XPR1: variants seen among roughly 807,000 people sequenced by gnomAD.
XPR1 encodes the protein xenotropic and polytropic retrovirus receptor 1, also known as solute carrier family 53 member 1.
In XPR1, 28 loss-of-function variants were observed where a neutral mutation model predicts 87.5. That is an observed-to-expected ratio of 0.32 (90% CI 0.24 to 0.44). The LOEUF (loss-of-function observed/expected upper bound fraction) is 0.44. XPR1 is among the 20% of genes least tolerant of loss of function. The pLI, the probability that XPR1 is intolerant of heterozygous loss-of-function variation, is 1.00. For missense variants in XPR1, 559 were observed against 862.3 expected, an observed-to-expected ratio of 0.65 and a Z score of 4.41; for synonymous variants, 300 against 306.1, an observed-to-expected ratio of 0.98 and a Z score of 0.21.
intron 2 of XPR1, among the ~76,000 whole-genome samples, chr1:180,719,242 A>G (rs1278014825): frequency 6.6e-6 from 1 of 152,250 alleles, no homozygotes; most frequent in Non-Finnish European, 1.5e-5. Flanking sequence ...TGTTTATGTG[A>G]TAATTTCATA....
intron 2 of XPR1, among the ~76,000 whole-genome samples, chr1:180,711,584 G>C (rs1373534984): frequency 6.6e-6 from 1 of 151,956 alleles, no homozygotes; most frequent in South Asian, 2.1e-4. Context: ...GCTTGGGCTC[G>C]GCGTCAGAGG....
At chr1:180,726,403 C>G (rs1658347944) in intron 2 of XPR1, among the ~76,000 whole-genome samples, 4 of 152,126 alleles carry the variant, frequency 2.6e-5, no homozygotes, top group Admixed American at 2.6e-4. Flanking sequence ...GGGTCCCTAC[C>G]ACCTTTAAGA....
At chr1:180,850,727 T>C (rs889997373) in intron 11 of XPR1, among the ~76,000 whole-genome samples, 16 of 152,090 alleles carry the variant, frequency 1.1e-4, no homozygotes, top group Non-Finnish European at 1.5e-5. Flanking sequence ...GGATGCCAAG[T>C]TGGGAGGATC....
At chr1:180,833,965 A>G (rs1307893605) in intron 9 of XPR1, among the ~76,000 whole-genome samples, 1 of 152,204 alleles carries the variant, frequency 6.6e-6, no homozygotes, top group East Asian at 1.9e-4. Flanking sequence ...GTTCAGAAAT[A>G]CCATATAATT....
At chr1:180,680,425 G>A (rs1656533946) in intron 1 of XPR1, among the ~76,000 whole-genome samples, 1 of 143,298 alleles carries the variant, frequency 7.0e-6, no homozygotes, top group Admixed American at 7.3e-5. Context: ...GGATGCAGTG[G>A]TGCGATCTTG....
chr1:180,866,255 G>A (rs1440159081), intron 12 of XPR1, among the ~76,000 whole-genome samples: 2 of 151,920 alleles, frequency 1.3e-5, no homozygotes, highest in East Asian at 3.9e-4. Flanking sequence ...AAGGCAGATA[G>A]TTGGAATAAA....
chr1:180,850,436 A>G (rs1450418129), intron 11 of XPR1, among the ~76,000 whole-genome samples: 1 of 152,188 alleles, frequency 6.6e-6, no homozygotes, highest in East Asian at 1.9e-4. Flanking sequence ...TCACATTTCT[A>G]GAATACATCT....
chr1:180,702,409 T>C (rs148776105), intron 2 of XPR1, among the ~76,000 whole-genome samples: 9,970 of 150,894 alleles, frequency 0.066, 478 homozygotes, highest in Admixed American at 0.13. Flanking sequence ...AAAATGTATA[T>C]TCTGTTGATT....
chr1:180,646,414 A>T (rs1655122251), intron 1 of XPR1, among the ~76,000 whole-genome samples: 1 of 151,976 alleles, frequency 6.6e-6, no homozygotes, highest in Admixed American at 6.6e-5. Flanking sequence ...TTTCTTTCGA[A>T]AAAGACTTGT....
At chr1:180,865,480 C>G (rs1289535505) in intron 12 of XPR1, among the ~76,000 whole-genome samples, 1 of 151,374 alleles carries the variant, frequency 6.6e-6, no homozygotes, top group Non-Finnish European at 1.5e-5. Context: ...GGCTCACTGC[C>G]AGCTCCACCT....
At chr1:180,652,847 T>G (rs539540886) in intron 1 of XPR1, among the ~76,000 whole-genome samples, 19 of 152,230 alleles carry the variant, frequency 1.2e-4, no homozygotes, top group Admixed American at 2.6e-4. Flanking sequence ...TCACACAGTT[T>G]CTGTGTAGCA....
At chr1:180,781,816 T>C (rs977591668) in intron 2 of XPR1, among the ~76,000 whole-genome samples, 2 of 151,996 alleles carry the variant, frequency 1.3e-5, no homozygotes, top group Admixed American at 1.3e-4. Context: ...ATCATTTTCT[T>C]TTTGAGACAG....
chr1:180,877,550 T>A (rs1652702891), intron 13 of XPR1, among the ~76,000 whole-genome samples: 1 of 152,148 alleles, frequency 6.6e-6, no homozygotes, highest in African/African-American at 2.4e-5. Context: ...TAGAACTAAG[T>A]ATGAAGAGTA....
At chr1:180,755,139 T>C (rs918453985) in intron 2 of XPR1, among the ~76,000 whole-genome samples, 3 of 152,184 alleles carry the variant, frequency 2.0e-5, no homozygotes, top group South Asian at 2.1e-4. Context: ...TTTCAACATA[T>C]ATTGATAGAT....
At chr1:180,637,555 T>G (rs1417186029) in intron 1 of XPR1, among the ~76,000 whole-genome samples, 1 of 152,162 alleles carries the variant, frequency 6.6e-6, no homozygotes, top group Non-Finnish European at 1.5e-5. Context: ...TTAAGCTAAT[T>G]CTTTTTTCTT....
At chr1:180,832,845 G>T (rs1304219580) in intron 9 of XPR1, among the ~76,000 whole-genome samples, 1 of 152,206 alleles carries the variant, frequency 6.6e-6, no homozygotes, top group East Asian at 1.9e-4. Context: ...GGCTATGTGG[G>T]CTCTTTTTTG....
At chr1:180,754,585 C>T (rs1477586350) in intron 2 of XPR1, among the ~76,000 whole-genome samples, 10 of 152,052 alleles carry the variant, frequency 6.6e-5, no homozygotes, top group East Asian at 1.9e-4. Context: ...CTAGGCTTCC[C>T]GAGTATCTGG....
At chr1:180,731,518 A>C (rs941894152) in intron 2 of XPR1, among the ~76,000 whole-genome samples, 1 of 152,182 alleles carries the variant, frequency 6.6e-6, no homozygotes, top group Admixed American at 6.5e-5. Context: ...GAGAGACCTG[A>C]AAGTCCTTTC....
At chr1:180,783,452 T>C (rs1240675239) in intron 2 of XPR1, among the ~76,000 whole-genome samples, 5 of 152,016 alleles carry the variant, frequency 3.3e-5, no homozygotes, top group East Asian at 3.8e-4. Context: ...TAAGTGAAGA[T>C]AGCAAAATGT....
Sources: allele counts gnomAD v4.1 joint callset (sites outside exome capture counted in the v4.1 genomes callset), GRCh38; gene constraint gnomAD v4.1.1; transcripts MANE v1.5; gene names NCBI Gene and HGNC (gene_info 2026-07-23, HGNC 2026-07-21).